The following NALCN variants were observed in gnomAD, a reference collection of about 807,000 sequenced individuals.
The protein encoded by NALCN is sodium leak channel NALCN.
Under a neutral mutation model 225.3 loss-of-function variants are expected in NALCN, and 111 were observed. The ratio of observed to expected loss-of-function variants is 0.49; its 90% confidence interval spans 0.42 to 0.58. The LOEUF is 0.58. Ranked by LOEUF, NALCN falls within the 20% of genes least tolerant of loss-of-function variation. The pLI, the probability that NALCN is intolerant of heterozygous loss-of-function variation, is 0.00. For missense variants in NALCN, 1,378 were observed against 2,202.4 expected (o/e 0.63, Z 7.49); for synonymous variants, 764 against 769.0 (o/e 0.99, Z 0.11).
intron 6 of NALCN, 132 bp from the exon 7 acceptor site, chr13:101,345,552 C>T (rs866281468): frequency 1.9e-6 from 2 of 1,076,016 alleles, no homozygotes. Context: ...GTAATCGTTG[C>T]ACTTTGGGAG....
At chr13:101,145,422 G>A (rs1349712448) in intron 15 of NALCN, among the ~76,000 whole-genome samples, 2 of 152,198 alleles carry the variant, frequency 1.3e-5, no homozygotes, top group Admixed American at 6.5e-5. Context: ...ACCACATTTG[G>A]TCCATGCAGC....
chr13:101,358,962 G>A (rs1184697766), intron 6 of NALCN, among the ~76,000 whole-genome samples: 2 of 151,948 alleles, frequency 1.3e-5, no homozygotes, highest in African/African-American at 2.4e-5. Context: ...ACCAAACAGC[G>A]CATGTTCTCA....
chr13:101,067,804 AC>A, intron 39 of NALCN, 113 bp downstream of exon 39: 2 of 745,650 alleles, frequency 2.7e-6, no homozygotes. Flanking sequence ...TCTGCAATTC[AC>A]CATTTAAAAA....
intron 15 of NALCN, among the ~76,000 whole-genome samples, chr13:101,162,464 C>T (rs2038236201): frequency 6.6e-6 from 1 of 152,160 alleles, no homozygotes; most frequent in Non-Finnish European, 1.5e-5. Context: ...CAAAAGGAAT[C>T]AGGGCAATGA....
chr13:101,322,610 A>T (rs1164850081), intron 7 of NALCN, among the ~76,000 whole-genome samples: 2 of 152,216 alleles, frequency 1.3e-5, no homozygotes, highest in African/African-American at 4.8e-5. Flanking sequence ...GTTTAGTTTC[A>T]TCTCTAACCT....
intron 7 of NALCN, among the ~76,000 whole-genome samples, chr13:101,337,007 T>C (rs1164148686): frequency 3.3e-5 from 5 of 152,312 alleles, no homozygotes; most frequent in African/African-American, 1.2e-4. Flanking sequence ...ACCACCTAAT[T>C]TTACATCAAA....
chr13:101,223,592 C>T (rs12855486), intron 13 of NALCN, among the ~76,000 whole-genome samples: 30,833 of 151,978 alleles, frequency 0.2, 3,316 homozygotes, highest in East Asian at 0.36. Flanking sequence ...TACCTGGAAG[C>T]TACACATCCC....
intron 30 of NALCN, among the ~76,000 whole-genome samples, chr13:101,087,072 T>A (rs1594174937): frequency 6.6e-6 from 1 of 152,212 alleles, no homozygotes; most frequent in East Asian, 1.9e-4. Flanking sequence ...CCTCTGAAAG[T>A]TTATTATTAT....
intron 17 of NALCN, 148 bp downstream of exon 17, chr13:101,142,932 G>C: frequency 8.6e-7 from 1 of 1,168,188 alleles, no homozygotes. Context: ...AAAATGTTAG[G>C]TTTCATGATA....
intron 6 of NALCN, among the ~76,000 whole-genome samples, chr13:101,346,703 ATG>A: frequency 6.6e-6 from 1 of 152,282 alleles, no homozygotes; most frequent in South Asian, 2.1e-4. Flanking sequence ...GGATTTAGAT[ATG>A]TAATGGCTTT....
intron 41 of NALCN, 102 bp from the exon 42 acceptor site, chr13:101,060,069 A>G (rs1294676143): frequency 2.2e-6 from 3 of 1,338,830 alleles, no homozygotes; most frequent in African/African-American, 2.9e-5. Flanking sequence ...TAAGACCTGC[A>G]TGACGGGTGA....
chr13:101,373,100 T>A (rs1317171448), intron 6 of NALCN: 1 of 384,050 alleles, frequency 2.6e-6, no homozygotes, highest in African/African-American at 2.1e-5. Context: ...GTAAGCTCTT[T>A]GAAAAGCAAA....
At chr13:101,356,873 G>A (rs114917289) in intron 6 of NALCN, among the ~76,000 whole-genome samples, 1 of 152,128 alleles carries the variant, frequency 6.6e-6, no homozygotes, top group African/African-American at 2.4e-5. Flanking sequence ...GAAGTGTAAG[G>A]CTGGTTCAGC....
chr13:101,359,215 T>C (rs1434792018), intron 6 of NALCN, among the ~76,000 whole-genome samples: 1 of 151,684 alleles, frequency 6.6e-6, no homozygotes, highest in Non-Finnish European at 1.5e-5. Flanking sequence ...AGCAAACAAG[T>C]GAATAAATGG....
At chr13:101,076,299 T>C (rs1369712161) in intron 34 of NALCN, among the ~76,000 whole-genome samples, 2 of 152,208 alleles carry the variant, frequency 1.3e-5, no homozygotes, top group Non-Finnish European at 2.9e-5. Context: ...AAAGGAATCC[T>C]GGCAAAGAGA....
chr13:101,364,116 A>G (rs1313559827), intron 6 of NALCN, among the ~76,000 whole-genome samples: 1 of 152,148 alleles, frequency 6.6e-6, no homozygotes, highest in Non-Finnish European at 1.5e-5. Flanking sequence ...ACACTCATAC[A>G]CTGTTGGTGG....
intron 11 of NALCN, among the ~76,000 whole-genome samples, chr13:101,240,300 G>T (rs7317341): frequency 6.6e-6 from 1 of 151,494 alleles, no homozygotes; most frequent in African/African-American, 2.4e-5. Flanking sequence ...TCTTTAATAA[G>T]TTTTTTCCAT....
chr13:101,329,066 A>G (rs568856055), intron 7 of NALCN, among the ~76,000 whole-genome samples: 1 of 152,274 alleles, frequency 6.6e-6, no homozygotes, highest in Admixed American at 6.5e-5. Flanking sequence ...GACTTTCCTT[A>G]CATACAATGT....
At chr13:101,400,907 T>C (rs1475802907) in intron 1 of NALCN, among the ~76,000 whole-genome samples, 1 of 152,052 alleles carries the variant, frequency 6.6e-6, no homozygotes, top group Non-Finnish European at 1.5e-5. Context: ...GATGGTTTTA[T>C]AAGTGTTTGA....
Sources: allele counts gnomAD v4.1 joint callset (sites outside exome capture counted in the v4.1 genomes callset), GRCh38; gene constraint gnomAD v4.1.1; transcripts MANE v1.5; gene names NCBI Gene and HGNC (gene_info 2026-07-23, HGNC 2026-07-21).